MORN1: variants seen among roughly 807,000 people sequenced by gnomAD.
MORN1 encodes MORN repeat-containing protein 1.
Under a neutral mutation model 61.9 loss-of-function variants are expected in MORN1, and 67 were observed. The ratio of observed to expected loss-of-function variants is 1.08; its 90% CI spans 0.89 to 1.33. The LOEUF is 1.33. Ranked by LOEUF, MORN1 falls within the 40% of genes most tolerant of loss-of-function variation. The pLI is 0.00. For synonymous variants in MORN1, 301 were observed against 292.0 expected (o/e 1.03, Z -0.31); for missense variants, 752 against 691.2 (o/e 1.09, Z -0.99).
intron 10 of MORN1, among the ~76,000 whole-genome samples, chr1:2,356,710 G>GA (rs1294121599): frequency 6.6e-6 from 1 of 152,234 alleles, no homozygotes; most frequent in East Asian, 1.9e-4. Flanking sequence ...CCGGCACTGA[G>GA]ACGCACACTG....
chr1:2,367,226 A>C (rs1642015327), intron 8 of MORN1, among the ~76,000 whole-genome samples: 1 of 151,734 alleles, frequency 6.6e-6, no homozygotes, highest in Non-Finnish European at 1.5e-5. Flanking sequence ...ATTTCATGCC[A>C]ATATCCTTCA....
intron 8 of MORN1, among the ~76,000 whole-genome samples, chr1:2,370,674 CTTTT>C (rs34105463): frequency 1.4e-5 from 2 of 142,714 alleles, no homozygotes; most frequent in African/African-American, 2.6e-5. Flanking sequence ...TTTTTTTCTT[CTTTT>C]TTTTTTTTTT....
intron 8 of MORN1, among the ~76,000 whole-genome samples, chr1:2,367,306 C>CAA (rs56188781): frequency 2.3e-4 from 31 of 132,806 alleles, no homozygotes; most frequent in East Asian, 4.3e-4. Flanking sequence ...ATTGCTCTAT[C>CAA]AAAAAAAAAA....
intron 12 of MORN1, among the ~76,000 whole-genome samples, chr1:2,325,885 A>G (rs1641016336): frequency 1.3e-5 from 2 of 152,062 alleles, no homozygotes; most frequent in South Asian, 4.1e-4. Flanking sequence ...TCGGCTTCCT[A>G]AAGTGTTGGG....
chr1:2,359,622 C>T (rs1255523965), intron 8 of MORN1, among the ~76,000 whole-genome samples: 1 of 152,144 alleles, frequency 6.6e-6, no homozygotes, highest in African/African-American at 2.4e-5. Context: ...GTGGCTCACC[C>T]CTGTCATCCC....
intron 12 of MORN1, 129 bp downstream of exon 12, chr1:2,336,340 G>A (rs943748645): frequency 4.9e-5 from 44 of 900,452 alleles, no homozygotes; most frequent in African/African-American, 5.1e-5. Flanking sequence ...AGCGAGGCCC[G>A]TGTAGGCTCA....
chr1:2,348,412 A>C (rs916299187), intron 10 of MORN1, among the ~76,000 whole-genome samples: 14 of 150,902 alleles, frequency 9.3e-5, no homozygotes, highest in South Asian at 2.1e-4. Context: ...TGGGGAGCTG[A>C]CTCCTCCTCC....
chr1:2,349,420 C>G (rs181417749), intron 10 of MORN1, among the ~76,000 whole-genome samples: 1 of 152,292 alleles, frequency 6.6e-6, no homozygotes, highest in Admixed American at 6.5e-5. Context: ...CTCTGACATC[C>G]CTGCTTAGTT....
intron 6 of MORN1, among the ~76,000 whole-genome samples, chr1:2,383,607 C>T (rs1158403739): frequency 1.3e-5 from 2 of 152,238 alleles, no homozygotes; most frequent in Admixed American, 6.5e-5. Context: ...CTCTAAGGAA[C>T]GAGGGACTCC....
intron 13 of MORN1, chr1:2,322,892 C>T: frequency 1.0e-6 from 1 of 985,430 alleles, no homozygotes; most frequent in Non-Finnish European, 1.2e-6. Flanking sequence ...GGCTGGTGGC[C>T]ACCGTGCGGC....
At chr1:2,376,822 C>G (rs1057159579) in intron 6 of MORN1, 3 of 152,118 alleles carry the variant, frequency 2.0e-5, no homozygotes, top group African/African-American at 7.2e-5. Flanking sequence ...TCCAATAGCC[C>G]GGTCTTGTCT....
chr1:2,385,403 C>G, intron 5 of MORN1: 2 of 432,822 alleles, frequency 4.6e-6, no homozygotes, highest in Non-Finnish European at 8.4e-6. Context: ...TGGGAATTTC[C>G]ACACGGGCTG....
chr1:2,357,055 G>A lies in MORN1; in HGVS notation c.1036+377C>T, dbSNP rs964905365. Among the ~76,000 whole-genome samples the A allele has an allele frequency of 3.9e-5, 6 of 152,170 alleles. No individual in the cohort carries two copies. Among genetic ancestry groups the A allele is most frequent in the Admixed American group, 2.6e-4 (4 of 15,292 alleles). On this transcript the variant is annotated intron_variant, in intron 10 of 13. Transcript: ENST00000378531. The surrounding 1 kb of genome is among the most constrained non-coding windows in gnomAD (Gnocchi z 6.3). ...CGCGGCCCCCAGAGCCATGGCCGGCGGCTGCTGTGAGGGCTCCCGGGCGGC... is the reference window on the plus strand; with the variant it reads ...CGCGGCCCCCAGAGCCATGGCCGGCAGCTGCTGTGAGGGCTCCCGGGCGGC...
At chr1:2,322,327 C>G (rs1014827011) in intron 13 of MORN1, 3 of 985,280 alleles carry the variant, frequency 3.0e-6, no homozygotes, top group Non-Finnish European at 2.4e-6. Flanking sequence ...TCGGCTGGCC[C>G]GGGCTCACAC....
intron 10 of MORN1, chr1:2,352,753 C>T (rs1452661971): frequency 6.6e-6 from 1 of 152,166 alleles, no homozygotes; most frequent in Non-Finnish European, 1.5e-5. Context: ...CGGGCAGGTA[C>T]CCTGGAGATT....
chr1:2,370,380 A>G (rs758982213), intron 8 of MORN1, among the ~76,000 whole-genome samples: 1 of 152,256 alleles, frequency 6.6e-6, no homozygotes, highest in African/African-American at 2.4e-5. Context: ...AGCTAGAACT[A>G]TAAGAGTTCT....
chr1:2,341,329 C>A (rs538618704), intron 10 of MORN1, among the ~76,000 whole-genome samples: 98 of 152,218 alleles, frequency 6.4e-4, no homozygotes, highest in Non-Finnish European at 1.2e-3. Flanking sequence ...AACATCACCC[C>A]CTTCCTGGGC....
rs78794114 is a variant in MORN1, at chr1:2,388,494, A to G, written c.149-157T>C. 1,225 of 577,016 alleles carry G rather than the reference A, an allele frequency of 2.1e-3. 5 individuals carry two copies. The highest frequency in any genetic ancestry group is 2.4e-3 in the Non-Finnish European group (787 of 329,234). The allele number at this position is 577,016 out of a possible 1,614,324, so 35.7% of individuals were successfully genotyped here. A position where few individuals can be genotyped will look rare whatever the true frequency, so the allele number is the denominator to read the frequency against. ...GCTATACATGTATTTAAAAATAAAA[A>G]AATGTTCTCAAAAATATCTGCCGAA... On this transcript the variant is annotated intron_variant, in intron 2 of 13. Transcript: ENST00000378531.
At chr1:2,323,807 C>T (rs547736955) in intron 13 of MORN1, 19 of 985,344 alleles carry the variant, frequency 1.9e-5, no homozygotes, top group South Asian at 9.4e-5. Context: ...TCCGAGTCCC[C>T]GTGCTCCCTG....
Sources: allele counts gnomAD v4.1 joint callset (sites outside exome capture counted in the v4.1 genomes callset), GRCh38; gene constraint gnomAD v4.1.1; non-coding constraint Gnocchi (gnomAD v3.1); transcripts MANE v1.5; gene names NCBI Gene and HGNC (gene_info 2026-07-23, HGNC 2026-07-21).